Variants in ADAMTS5 observed in about 807,000 individuals in gnomAD.
The protein encoded by ADAMTS5 is ADAM metallopeptidase with thrombospondin type 1 motif 5.
In ADAMTS5, 54 loss-of-function variants were observed where a neutral mutation model predicts 81.4. The ratio of observed to expected loss-of-function variants is 0.66; its 90% CI spans 0.53 to 0.83. The LOEUF (loss-of-function observed/expected upper bound fraction) is 0.83. Ranked by LOEUF, ADAMTS5 falls within the 40% of genes least tolerant of loss-of-function variation. The probability of loss-of-function intolerance (pLI) is 0.00; values close to 1 mark genes in which losing one functional copy is unlikely to be tolerated. For missense variants in ADAMTS5, 1,194 were observed against 1,229.9 expected, an observed-to-expected ratio of 0.97 and a Z score of 0.44; for synonymous variants, 532 against 508.8, an observed-to-expected ratio of 1.05 and a Z score of -0.61.
intron 3 of ADAMTS5, among the ~76,000 whole-genome samples, chr21:26,936,770 G>C (rs937611596): frequency 6.6e-6 from 1 of 152,170 alleles, no homozygotes; most frequent in African/African-American, 2.4e-5. Context: ...CAAGCCGATA[G>C]GAAAGAATGA....
At chr21:26,936,609 A>T (rs1201079976) in intron 3 of ADAMTS5, among the ~76,000 whole-genome samples, 1 of 152,198 alleles carries the variant, frequency 6.6e-6, no homozygotes, top group Non-Finnish European at 1.5e-5. Flanking sequence ...ATAAAAATGA[A>T]TAAAGAGCAA....
chr21:26,933,092 T>C (rs761044903), intron 4 of ADAMTS5, 48 bp from the exon 5 acceptor site: 4 of 1,546,554 alleles, frequency 2.6e-6, no homozygotes, highest in Non-Finnish European at 2.6e-6. Flanking sequence ...GAGAAAAACA[T>C]TGAAAGTGTG....
chr21:26,940,510 C>A (rs760332811), intron 3 of ADAMTS5, among the ~76,000 whole-genome samples: 1 of 152,086 alleles, frequency 6.6e-6, no homozygotes, highest in African/African-American at 2.4e-5. Flanking sequence ...TAGCCTTTCT[C>A]TTATTGTTAA....
intron 3 of ADAMTS5, among the ~76,000 whole-genome samples, chr21:26,939,913 G>T (rs1171367782): frequency 6.6e-6 from 1 of 152,166 alleles, no homozygotes; most frequent in Non-Finnish European, 1.5e-5. Context: ...TGGGAGGAGG[G>T]GGGTCCCATG....
rs762623441 is a variant in ADAMTS5, at chr21:26,965,806, C to T, written c.586G>A (p.Glu196Lys). 2 of 1,607,296 alleles carry T rather than the reference C, an allele frequency of 1.2e-6. No individual in the cohort carries two copies. Among genetic ancestry groups the T allele is most frequent in the South Asian group, 1.1e-5 (1 of 89,976 alleles). Reference protein sequence around the residue: ...SARILHVYTREGFSFEALPPR... With the variant: ...SARILHVYTRKGFSFEALPPR... ...GGCAGGGCCTCGAAGCTGAAGCCCT[C>T]GCGGGTGTAGACGTGCAGGATCCGT... Residue 196 changes from glutamate to lysine, a missense_variant, in exon 1 of 8, where the codon GAG (glutamate) becomes AAG (lysine). By Grantham distance (56) the Glu-to-Lys change is moderately conservative. Coordinates refer to ENST00000284987, the MANE Select transcript of ADAMTS5 (RefSeq NM_007038.5).
chr21:26,962,047 T>C (rs1987539300), intron 1 of ADAMTS5, among the ~76,000 whole-genome samples: 1 of 152,192 alleles, frequency 6.6e-6, no homozygotes, highest in Non-Finnish European at 1.5e-5. Context: ...GGGAATTATC[T>C]TTTTATATTG....
chr21:26,965,546 C>T lies in ADAMTS5; in HGVS notation c.846G>A (p.Leu282=). 6.2e-7 allele frequency: 1 copy of T among 1,612,488 alleles called. No individual in the cohort carries two copies. The highest frequency in any genetic ancestry group is 8.5e-7 in the Non-Finnish European group (1 of 1,178,912). ...LLVADASMAR[L]YGRGLQHYLL... ...GGTAATGCTGCAGGCCCCGGCCATA[C>T]AACCGCGCCATGGACGCGTCAGCCA... The change falls in exon 1 of 8, where the codon TTG becomes TTA. Residue 282 remains leucine (L), a synonymous_variant. Coordinates refer to ENST00000284987, the MANE Select transcript of ADAMTS5 (RefSeq NM_007038.5).
chr21:26,949,064 C>T (rs1987268333), intron 2 of ADAMTS5, among the ~76,000 whole-genome samples: 1 of 151,824 alleles, frequency 6.6e-6, no homozygotes, highest in African/African-American at 2.4e-5. Flanking sequence ...TGATTGTTAG[C>T]TAACTTTATT....
In ADAMTS5 at chr21:26,918,861, T is replaced by C. The variant is rs1986632531; in HGVS notation, c.*5192A>G. The C allele has an allele frequency of 6.6e-6, 1 of 151,800 alleles. No individual in the cohort carries two copies. Among genetic ancestry groups the C allele is most frequent in the African/African-American group, 2.4e-5 (1 of 41,342 alleles). The allele number at this position is 151,800 out of a possible 1,614,324, so 9.4% of individuals were successfully genotyped here. On this transcript the variant is annotated 3_prime_UTR_variant, in exon 8 of 8. Transcript: ENST00000284987. ...TTTGAATGGAATGCTGAGGACTTAG[T>C]GAATGCTGAAATATGACTCATCTAA...
intron 3 of ADAMTS5, among the ~76,000 whole-genome samples, chr21:26,940,704 T>A (rs1987098234): frequency 6.6e-6 from 1 of 152,152 alleles, no homozygotes; most frequent in African/African-American, 2.4e-5. Context: ...TGAGTAAAGT[T>A]AAAAGGTTTT....
rs1987151381 is a variant in ADAMTS5 at position 26,943,415 on chromosome 21, G to A, written c.1370C>T (p.Ser457Leu). Residue 457 changes from serine to leucine, a missense_variant, in exon 3 of 8, where the codon TCA becomes TTA. Transcript: ENST00000284987. ...ATCCAGGAATTCTGTGATGGTGGCT[G>A]AAGTGCATTTGGACCAGGGCTTAGA... The part of the protein sequence containing the change: ...DASKPWSKCT[S>L]ATITEFLDDG... 1.2e-6 allele frequency: 2 copies of A among 1,613,596 alleles called. No homozygotes were observed. The highest frequency in any genetic ancestry group is 1.7e-6 in the Non-Finnish European group (2 of 1,179,690).
chr21:26,944,592 A>G (rs1437372460), intron 2 of ADAMTS5, among the ~76,000 whole-genome samples: 18 of 152,292 alleles, frequency 1.2e-4, no homozygotes, highest in Admixed American at 9.2e-4. Context: ...TAGACAGCAA[A>G]TCATCCTAGT....
chr21:26,942,794 T>C (rs1171957250), intron 3 of ADAMTS5, among the ~76,000 whole-genome samples: 2 of 152,206 alleles, frequency 1.3e-5, no homozygotes, highest in African/African-American at 4.8e-5. Context: ...TTGAAGTTCT[T>C]AAAGTGTTTT....
chr21:26,963,329 G>A (rs769740658), intron 1 of ADAMTS5, among the ~76,000 whole-genome samples: 2 of 151,766 alleles, frequency 1.3e-5, no homozygotes, highest in Non-Finnish European at 2.9e-5. Context: ...AAAAGTAATC[G>A]ACAAATCATT....
intron 4 of ADAMTS5, 114 bp from the exon 5 acceptor site, chr21:26,933,158 T>G (rs2830586): frequency 0.14 from 154,869 of 1,085,030 alleles, 12,054 homozygotes; most frequent in Non-Finnish European, 0.15. Flanking sequence ...ACAGATACAG[T>G]TATATTTTCA....
At position 26,931,933 on chromosome 21, in the gene ADAMTS5, C is replaced by T. The variant is rs558653714; in HGVS notation, c.2049+71G>A. The stretch of plus-strand genomic sequence containing the variant: ...CTAATAACTGTTTACGTCTGGCGTC[C>T]GCAGGCTTCATTCTACCAAATAATT... On this transcript the variant is annotated intron_variant, in intron 6 of 7. Coordinates refer to ENST00000284987, the MANE Select transcript of ADAMTS5 (RefSeq NM_007038.5). 1.5e-4 allele frequency: 223 copies of T among 1,459,798 alleles called. 1 individual carries two copies. Among genetic ancestry groups the T allele is most frequent in the South Asian group, 1.4e-3 (87 of 64,426 alleles). 90.4% of individuals were successfully genotyped at this position (1,459,798 alleles called of 1,614,324 possible).
intron 2 of ADAMTS5, among the ~76,000 whole-genome samples, chr21:26,951,413 G>A (rs1220913319): frequency 2.0e-5 from 3 of 151,966 alleles, no homozygotes; most frequent in East Asian, 1.9e-4. Context: ...CATTCAAAAC[G>A]TCATTTTCAT....
At chr21:26,928,634 C>CTT (rs1986847884) in intron 7 of ADAMTS5, among the ~76,000 whole-genome samples, 1 of 84,340 alleles carries the variant, frequency 1.2e-5, no homozygotes, top group Non-Finnish European at 3.3e-5. Flanking sequence ...TCCTTCCTTC[C>CTT]TCTTTCTTTC....
At chr21:26,945,263 A>G (rs968421580) in intron 2 of ADAMTS5, among the ~76,000 whole-genome samples, 1 of 152,256 alleles carries the variant, frequency 6.6e-6, no homozygotes, top group Middle Eastern at 3.4e-3. Flanking sequence ...ATTTTCCAAG[A>G]TAGAAGATTT....
Sources: gnomAD v4.1 joint callset for allele counts (sites outside exome capture counted in the v4.1 genomes callset) on GRCh38, gnomAD v4.1.1 for gene constraint, MANE v1.5 for transcripts, NCBI Gene and HGNC (gene_info 2026-07-23, HGNC 2026-07-21) for gene names.